Variants in RFX3 observed in about 807,000 individuals in gnomAD.
RFX3 encodes transcription factor RFX3.
Under a neutral mutation model 98.6 loss-of-function variants are expected in RFX3, and 14 were observed. The ratio of observed to expected loss-of-function variants is 0.14; its 90% CI spans 0.09 to 0.22. The LOEUF (loss-of-function observed/expected upper bound fraction) is 0.22, where lower values mean the gene tolerates loss of function less well. RFX3 is among the 10% of genes least tolerant of loss of function. The probability of loss-of-function intolerance (pLI) is 1.00; values close to 1 mark genes in which losing one functional copy is unlikely to be tolerated. For missense variants in RFX3, 639 were observed against 926.9 expected, an observed-to-expected ratio of 0.69 and a Z score of 4.03; for synonymous variants, 383 against 328.4, an observed-to-expected ratio of 1.17 and a Z score of -1.80.
At chr9:3,319,490 G>C (rs558366809) in intron 4 of RFX3, among the ~76,000 whole-genome samples, 2 of 152,002 alleles carry the variant, frequency 1.3e-5, no homozygotes, top group African/African-American at 2.4e-5. Context: ...AGTATTATTT[G>C]CATTCATGAT....
At chr9:3,248,291 T>G in intron 14 of RFX3, 106 bp from the exon 15 acceptor site, 1 of 1,376,896 alleles carries the variant, frequency 7.3e-7, no homozygotes, top group Non-Finnish European at 9.6e-7. Context: ...TCTATATGGT[T>G]GGTATAGTAT....
chr9:3,504,958 TA>T (rs1816752875), intron 1 of RFX3, among the ~76,000 whole-genome samples: 1 of 60,486 alleles, frequency 1.7e-5, no homozygotes, highest in African/African-American at 1.0e-4. Context: ...TAATATATAT[TA>T]TATATAATAT....
rs76869819 is a variant in RFX3, at chr9:3,423,443, G to C, written c.-8-27847C>G. On this transcript the variant is annotated intron_variant, in intron 1 of 16. Transcript: ENST00000617270. ...ACTCCTAAAATGAAATACTACTCTG[G>C]AATAAAAAGAACTATTCATATGCTA... Among the ~76,000 whole-genome samples the C allele has an allele frequency of 3.6e-3, 543 of 152,208 alleles. 24 individuals are homozygous for C. In the East Asian group the frequency reaches 0.069, roughly 19 times the overall value.
chr9:3,370,176 T>A (rs1837678382), intron 2 of RFX3, among the ~76,000 whole-genome samples: 1 of 143,008 alleles, frequency 7.0e-6, no homozygotes, highest in Non-Finnish European at 1.5e-5. Context: ...GTTAGGATGT[T>A]TCAAATTATT....
chr9:3,410,855 C>T (rs139106123), intron 1 of RFX3, among the ~76,000 whole-genome samples: 124 of 152,262 alleles, frequency 8.1e-4, no homozygotes, highest in South Asian at 2.3e-3. Flanking sequence ...TTTCTTTAAT[C>T]ATCTGATGCA....
At chr9:3,399,063 T>C (rs2131995155) in intron 1 of RFX3, among the ~76,000 whole-genome samples, 1 of 151,758 alleles carries the variant, frequency 6.6e-6, no homozygotes, top group South Asian at 2.1e-4. Context: ...GACTCCCCAC[T>C]CGGGTTTTGT....
chr9:3,296,740 G>C (rs983559924), intron 5 of RFX3, among the ~76,000 whole-genome samples: 4 of 152,084 alleles, frequency 2.6e-5, no homozygotes, highest in Non-Finnish European at 5.9e-5. Context: ...AGGAAGTCAA[G>C]TGGAGGTAAA....
At chr9:3,455,639 G>A (rs1482608637) in intron 1 of RFX3, among the ~76,000 whole-genome samples, 4 of 152,156 alleles carry the variant, frequency 2.6e-5, no homozygotes, top group Non-Finnish European at 4.4e-5. Flanking sequence ...TAAAAGCTGA[G>A]CAAATATAGA....
chr9:3,376,288 C>T (rs145007864), intron 2 of RFX3, among the ~76,000 whole-genome samples: 14 of 152,212 alleles, frequency 9.2e-5, no homozygotes, highest in East Asian at 3.9e-4. Flanking sequence ...GTTTCTTATA[C>T]GGTTCAACAA....
intron 1 of RFX3, among the ~76,000 whole-genome samples, chr9:3,407,387 T>C (rs534330930): frequency 1.8e-4 from 28 of 152,260 alleles, no homozygotes; most frequent in African/African-American, 6.0e-4. Context: ...TTATTATGGA[T>C]GAGAAAACTG....
intron 2 of RFX3, among the ~76,000 whole-genome samples, chr9:3,380,128 T>C (rs765488469): frequency 4.6e-5 from 7 of 152,014 alleles, no homozygotes; most frequent in Middle Eastern, 3.2e-3. Context: ...GGTTTCACCA[T>C]GTTGGTCAGG....
intron 1 of RFX3, among the ~76,000 whole-genome samples, chr9:3,424,814 A>AGATC (rs2132424729): frequency 6.6e-6 from 1 of 152,368 alleles, no homozygotes; most frequent in South Asian, 2.1e-4. Flanking sequence ...TAATACATAT[A>AGATC]GATCGAATTC....
intron 6 of RFX3, among the ~76,000 whole-genome samples, chr9:3,290,888 G>A (rs2991293): frequency 0.11 from 17,105 of 152,044 alleles, 2,662 homozygotes; most frequent in African/African-American, 0.35. Flanking sequence ...CAACAGAAGC[G>A]GGCCACAGAA....
At chr9:3,426,149 A>C (rs575654643) in intron 1 of RFX3, among the ~76,000 whole-genome samples, 2 of 152,154 alleles carry the variant, frequency 1.3e-5, no homozygotes, top group African/African-American at 4.8e-5. Flanking sequence ...TTTAAGCACA[A>C]AAGACAGTTT....
At chr9:3,285,497 A>G (rs764496815) in intron 7 of RFX3, among the ~76,000 whole-genome samples, 2 of 151,750 alleles carry the variant, frequency 1.3e-5, no homozygotes, top group Non-Finnish European at 2.9e-5. Context: ...ATATTTCTGC[A>G]CAACAGGGTA....
At chr9:3,356,242 G>GA (rs1199191063) in intron 2 of RFX3, among the ~76,000 whole-genome samples, 9 of 150,396 alleles carry the variant, frequency 6.0e-5, no homozygotes, top group Non-Finnish European at 1.2e-4. Flanking sequence ...TATGAAAACA[G>GA]AAAAAAATAA....
chr9:3,350,854 A>C (rs572925519), intron 2 of RFX3, among the ~76,000 whole-genome samples: 1 of 152,164 alleles, frequency 6.6e-6, no homozygotes, highest in African/African-American at 2.4e-5. Flanking sequence ...AAGGTTACAT[A>C]CTGTAGGATT....
At chr9:3,453,591 T>G (rs1846873889) in intron 1 of RFX3, 1 of 153,002 alleles carries the variant, frequency 6.5e-6, no homozygotes, top group African/African-American at 2.4e-5. Context: ...ATGCCCGTAA[T>G]CCCAGCTACT....
At chr9:3,284,483 A>T (rs904879012) in intron 7 of RFX3, among the ~76,000 whole-genome samples, 19 of 151,724 alleles carry the variant, frequency 1.3e-4, no homozygotes, top group South Asian at 6.2e-4. Context: ...AGTTTTTTTT[A>T]AAAAAACTGT....
Sources: allele counts gnomAD v4.1 joint callset (sites outside exome capture counted in the v4.1 genomes callset), GRCh38; gene constraint gnomAD v4.1.1; transcripts MANE v1.5; gene names NCBI Gene and HGNC (gene_info 2026-07-23, HGNC 2026-07-21).